BAG3: variants seen among roughly 807,000 people sequenced by gnomAD.
BAG3 encodes BAG family molecular chaperone regulator 3.
In BAG3, 14 loss-of-function variants were observed where a neutral mutation model predicts 40.5. The ratio of observed to expected loss-of-function variants is 0.35; its 90% CI spans 0.23 to 0.54. BAG3 has a LOEUF of 0.54. BAG3 is among the 20% of genes least tolerant of loss of function. The probability of loss-of-function intolerance (pLI) is 0.91; values close to 1 mark genes in which losing one functional copy is unlikely to be tolerated. For missense variants in BAG3, 788 were observed against 758.6 expected, an observed-to-expected ratio of 1.04 and a Z score of -0.46; for synonymous variants, 302 against 307.8, an observed-to-expected ratio of 0.98 and a Z score of 0.20.
At chr10:119,661,468 A>G (rs866404865) in intron 1 of BAG3, among the ~76,000 whole-genome samples, 2 of 152,106 alleles carry the variant, frequency 1.3e-5, no homozygotes, top group African/African-American at 2.4e-5. Context: ...TCAAGGAGGG[A>G]CTGGAACCCA....
intron 1 of BAG3, among the ~76,000 whole-genome samples, chr10:119,667,926 C>A (rs2134061975): frequency 6.6e-6 from 1 of 152,392 alleles, no homozygotes; most frequent in African/African-American, 2.4e-5. Context: ...AGAATGCCCA[C>A]AGGCACGTTA....
Position 119,672,161 on chromosome 10 carries a change from G to C in BAG3, c.508-94G>C. 2 of 1,495,920 alleles carry C rather than the reference G, an allele frequency of 1.3e-6. No individual in the cohort carries two copies. Among genetic ancestry groups the C allele is most frequent in the East Asian group, 2.3e-5 (1 of 44,330 alleles). 92.7% of individuals were successfully genotyped at this position (1,495,920 alleles called of 1,614,324 possible). ...GATAGGAGGTCTTACAATATGGATT[G>C]CCCTGAGGAGGTGCACAGCAGAAGG... is the stretch of plus-strand genomic sequence containing the variant. On this transcript the variant is annotated intron_variant, in intron 2 of 3. Coordinates refer to ENST00000369085, the MANE Select transcript of BAG3 (RefSeq NM_004281.4). The surrounding 1 kb of genome is among the most constrained non-coding windows in gnomAD (Gnocchi z 4.8).
chr10:119,663,212 C>A (rs1468004731), intron 1 of BAG3, among the ~76,000 whole-genome samples: 1 of 152,168 alleles, frequency 6.6e-6, no homozygotes, highest in Non-Finnish European at 1.5e-5. Flanking sequence ...CTTGCAGGTG[C>A]CCAAGGGTTG....
intron 1 of BAG3, among the ~76,000 whole-genome samples, chr10:119,668,746 T>C (rs1423535782): frequency 6.6e-6 from 1 of 152,182 alleles, no homozygotes; most frequent in Non-Finnish European, 1.5e-5. Flanking sequence ...CCCCAACTGC[T>C]CCTTGCCCAA....
chr10:119,675,277 G>A (rs142376294), intron 3 of BAG3, among the ~76,000 whole-genome samples: 4 of 151,872 alleles, frequency 2.6e-5, no homozygotes, highest in Non-Finnish European at 4.4e-5. Context: ...AGGCTGCATT[G>A]AGCTGTGATA....
At chr10:119,668,372 G>A (rs1285621767) in intron 1 of BAG3, among the ~76,000 whole-genome samples, 1 of 152,264 alleles carries the variant, frequency 6.6e-6, no homozygotes, top group Non-Finnish European at 1.5e-5. Context: ...TTCCGCAGCA[G>A]TAGAGATTGT....
At chr10:119,661,022 G>A (rs1023538464) in intron 1 of BAG3, among the ~76,000 whole-genome samples, 2 of 152,164 alleles carry the variant, frequency 1.3e-5, no homozygotes, top group Admixed American at 1.3e-4. Context: ...GAACCCGGGA[G>A]GCAGAGGTTG....
intron 1 of BAG3, among the ~76,000 whole-genome samples, chr10:119,654,517 G>A (rs1846885772): frequency 6.6e-6 from 1 of 152,212 alleles, no homozygotes; most frequent in Non-Finnish European, 1.5e-5. Context: ...AAGTAGTTAG[G>A]ACAACTCCCT....
At position 119,677,119 on chromosome 10, in the gene BAG3, A is replaced by T. The variant is rs753694106; in HGVS notation, c.1565A>T (p.Gln522Leu). 3 of 1,614,072 alleles carry T rather than the reference A, an allele frequency of 1.9e-6. No homozygotes were observed. The highest frequency in any genetic ancestry group is 2.7e-5 in the African/African-American group (2 of 74,932). The change falls in exon 4 of 4, where the codon CAG (glutamine) becomes CTG (leucine). Residue 522 changes from glutamine to leucine, a missense_variant. Transcript: ENST00000369085. ...AACCTTGAAGCAGATCAGCCACTGC[A>T]GGCAATCATGGAGATGGGTGCCGTG... is the stretch of plus-strand genomic sequence containing the variant. ...PSNLEADQPLQAIMEMGAVAA... is the reference protein window; with the variant it reads ...PSNLEADQPLLAIMEMGAVAA...
chr10:119,665,940 G>C (rs1847059993), intron 1 of BAG3, among the ~76,000 whole-genome samples: 2 of 152,154 alleles, frequency 1.3e-5, no homozygotes, highest in Admixed American at 1.3e-4. Context: ...CAGGAATACA[G>C]ACCTCGGGAC....
At chr10:119,668,106 G>A (rs1847091689) in intron 1 of BAG3, among the ~76,000 whole-genome samples, 1 of 152,196 alleles carries the variant, frequency 6.6e-6, no homozygotes, top group African/African-American at 2.4e-5. Context: ...CTGAGCACGT[G>A]GCTGTTCTAA....
At chr10:119,673,595 A>C (rs377108873) in intron 3 of BAG3, among the ~76,000 whole-genome samples, 9 of 152,258 alleles carry the variant, frequency 5.9e-5, no homozygotes, top group African/African-American at 1.9e-4. Context: ...GCTGAATGCT[A>C]CAGTTTTTAA....
At chr10:119,675,836 TTCCC>T (rs1368324815) in intron 3 of BAG3, among the ~76,000 whole-genome samples, 1 of 33,218 alleles carries the variant, frequency 3.0e-5, no homozygotes, top group African/African-American at 1.1e-4. Context: ...CCCTTCCCCC[TTCCC>T]TCCTTCCTTC....
At position 119,651,490 on chromosome 10, in the gene BAG3, A is replaced by C; in HGVS notation, c.-186A>C. The C allele has an allele frequency of 2.1e-6, 1 of 472,562 alleles. No homozygotes were observed. The highest frequency in any genetic ancestry group is 2.1e-5 in the African/African-American group (1 of 48,548). 29.3% of individuals were successfully genotyped at this position (472,562 alleles called of 1,614,324 possible). ...CTTCCCCTCTGGCAGCGAGGAGGCTATTTCCAGACACTTCCACCCCTCTCT... is the reference window on the plus strand; with the variant it reads ...CTTCCCCTCTGGCAGCGAGGAGGCTCTTTCCAGACACTTCCACCCCTCTCT... On this transcript the variant is annotated 5_prime_UTR_variant, in exon 1 of 4. Coordinates refer to ENST00000369085, the MANE Select transcript of BAG3 (RefSeq NM_004281.4).
Position 119,676,869 on chromosome 10 carries a change from G to A in BAG3, c.1315G>A (p.Val439Ile). 6.2e-7 allele frequency: 1 copy of A among 1,614,224 alleles called. No homozygotes were observed. Among genetic ancestry groups the A allele is most frequent in the Non-Finnish European group, 8.5e-7 (1 of 1,180,046 alleles). The change falls in exon 4 of 4, where the codon GTA becomes ATA. Residue 439 changes from valine (V) to isoleucine (I), a missense_variant. Physicochemically the swap from Val to Ile is conservative, Grantham distance 29 (BLOSUM62 3). Transcript: ENST00000369085. Reference sequence around the variant, plus strand: ...GAAGGTACAGGGGCTGGAGCAGGCTGTAGACAACTTTGAAGGCAAGAAGAC... The same window carrying A: ...GAAGGTACAGGGGCTGGAGCAGGCTATAGACAACTTTGAAGGCAAGAAGAC... ...LEKVQGLEQAVDNFEGKKTDK... is the reference protein window; with the variant it reads ...LEKVQGLEQAIDNFEGKKTDK...
In BAG3 at chr10:119,676,876, A is replaced by T; in HGVS notation, c.1322A>T (p.Asn441Ile). 6.2e-7 allele frequency: 1 copy of T among 1,614,224 alleles called. No individual in the cohort carries two copies. Among genetic ancestry groups the T allele is most frequent in the Non-Finnish European group, 8.5e-7 (1 of 1,180,048 alleles). ...KVQGLEQAVD[N>I]FEGKKTDKKY... ...CAGGGGCTGGAGCAGGCTGTAGACA[A>T]CTTTGAAGGCAAGAAGACTGACAAA... Residue 441 changes from asparagine (N) to isoleucine (I), a missense_variant, in exon 4 of 4, where the codon AAC becomes ATC. Asn to Ile is a moderately radical substitution (Grantham distance 149). Transcript: ENST00000369085.
intron 1 of BAG3, among the ~76,000 whole-genome samples, chr10:119,652,103 AC>A (rs1846850787): frequency 6.6e-6 from 1 of 151,910 alleles, no homozygotes; most frequent in African/African-American, 2.4e-5. Context: ...CCGGGAAGCG[AC>A]CCCGCAGTGG....
At chr10:119,657,842 T>TG (rs1426490684) in intron 1 of BAG3, among the ~76,000 whole-genome samples, 1 of 152,202 alleles carries the variant, frequency 6.6e-6, no homozygotes, top group Non-Finnish European at 1.5e-5. Flanking sequence ...GAGCAGCCCC[T>TG]GGCACTGTGA....
At chr10:119,653,013 A>G (rs1468807191) in intron 1 of BAG3, among the ~76,000 whole-genome samples, 1 of 152,256 alleles carries the variant, frequency 6.6e-6, no homozygotes, top group Non-Finnish European at 1.5e-5. Flanking sequence ...GAGCTGGTAA[A>G]TTATTTTGAA....
Sources: allele counts gnomAD v4.1 joint callset (sites outside exome capture counted in the v4.1 genomes callset), GRCh38; gene constraint gnomAD v4.1.1; non-coding constraint Gnocchi (gnomAD v3.1); transcripts MANE v1.5; gene names NCBI Gene and HGNC (gene_info 2026-07-23, HGNC 2026-07-21).